Variants in HOXA5 observed in about 807,000 individuals in gnomAD.
HOXA5 encodes homeobox A5.
HOXA5 carries 12 observed loss-of-function variants against 20.0 expected under a neutral mutation model. The ratio of observed to expected loss-of-function variants is 0.60; its 90% CI spans 0.38 to 0.97. The LOEUF is 0.97. Among genes scored for constraint, HOXA5 ranks in the 50% least tolerant of loss-of-function variants. The pLI is 0.00. For missense variants in HOXA5, 352 were observed against 380.3 expected, an observed-to-expected ratio of 0.93 and a Z score of 0.62; for synonymous variants, 159 against 157.7, an observed-to-expected ratio of 1.01 and a Z score of -0.06.
In HOXA5 at chr7:27,141,966, T is replaced by C; in HGVS notation, c.682A>G (p.Ile228Val). Reference protein sequence around the residue: ...RYLTRRRRIEIAHALCLSERQ... With the variant: ...RYLTRRRRIEVAHALCLSERQ... The stretch of plus-strand genomic sequence containing the variant: ...TCGGAGAGGCAAAGAGCATGTGCTA[T>C]TTCAATCCTCCTTCTGCGGGTCAGG... Residue 228 changes from isoleucine to valine, a missense_variant, in exon 2 of 2, where the codon ATA becomes GTA. Coordinates refer to ENST00000222726, the MANE Select transcript of HOXA5 (RefSeq NM_019102.4). 1.2e-6 allele frequency: 2 copies of C among 1,614,268 alleles called. No homozygotes were observed. Among genetic ancestry groups the C allele is most frequent in the Non-Finnish European group, 1.7e-6 (2 of 1,180,050 alleles).
In HOXA5 at chr7:27,143,037, T is replaced by C. The variant is rs1388433105; in HGVS notation, c.562+9A>G. 3 of 1,500,996 alleles carry C rather than the reference T, an allele frequency of 2.0e-6. No homozygotes were observed. Among genetic ancestry groups the C allele is most frequent in the East Asian group, 4.9e-5 (2 of 40,982 alleles). 93.0% of individuals were successfully genotyped at this position (1,500,996 alleles called of 1,614,324 possible). A position where few individuals can be genotyped will look rare whatever the true frequency, so the allele number is the denominator to read the frequency against. ...CGGTCGCGTGGATTTAGAAAAAGGC[T>C]GGCTTTACCATGACTTATGTGCAGC... On this transcript the variant is annotated intron_variant, in intron 1 of 1. Transcript: ENST00000222726.
chr7:27,142,205 A>G (rs937184990), intron 1 of HOXA5, 120 bp from the exon 2 acceptor site: 1 of 1,039,298 alleles, frequency 9.6e-7, no homozygotes, highest in African/African-American at 1.6e-5. Flanking sequence ...TCTGCCTACC[A>G]GCCCGCACAC....
rs1376090312 is a variant in HOXA5, at chr7:27,143,241, T to C, written c.367A>G (p.Ser123Gly). Residue 123 changes from serine to glycine, a missense_variant, in exon 1 of 2, where the codon AGC becomes GGC. This residue lies in a region of HOXA5 where 319 missense variants were observed against 336.5 expected (regional missense o/e 0.95). Coordinates refer to ENST00000222726, the MANE Select transcript of HOXA5 (RefSeq NM_019102.4). ...TCGGCCGAGGCGCCGCTGGAGTTGC[T>C]TAGGGAGTTTTTCCCGCCGTGGTGG... Reference protein sequence around the residue: ...DSHHGGKNSLSNSSGASADAG... With the variant: ...DSHHGGKNSLGNSSGASADAG... 6.2e-7 allele frequency: 1 copy of C among 1,609,504 alleles called. No homozygotes were observed. The highest frequency in any genetic ancestry group is 1.1e-5 in the South Asian group (1 of 90,894).
rs1483240707 is a variant in HOXA5, at chr7:27,143,457, C to T, written c.151G>A (p.Gly51Ser). The T allele has an allele frequency of 1.9e-6, 3 of 1,613,722 alleles. No homozygotes were observed. The African/African-American group carries it at 4.0e-5, about 22-fold the overall frequency. ...HSGRYGYGYN[G>S]MDLSVGRSGS... Reference sequence around the variant, plus strand: ...GAGCGGCCGACGCTGAGATCCATGCCATTGTAGCCGTAGCCGTACCTGCCG... The same window carrying T: ...GAGCGGCCGACGCTGAGATCCATGCTATTGTAGCCGTAGCCGTACCTGCCG... Residue 51 changes from glycine (G) to serine (S), a missense_variant, in exon 1 of 2, where the codon GGC becomes AGC. Gly to Ser is a moderately conservative substitution (Grantham distance 56). Around this residue, in one of 3 missense-constraint regions of HOXA5, gnomAD observed 319 missense variants for 336.5 expected, o/e 0.95. Coordinates refer to ENST00000222726, the MANE Select transcript of HOXA5 (RefSeq NM_019102.4).
chr7:27,142,253 A>G (rs928845894), intron 1 of HOXA5, among the ~76,000 whole-genome samples, 168 bp from the exon 2 acceptor site: 12 of 152,350 alleles, frequency 7.9e-5, no homozygotes, highest in African/African-American at 2.9e-4. Flanking sequence ...TTCTAGAAAG[A>G]AAACAATACG....
At position 27,143,491 on chromosome 7, in the gene HOXA5, G is replaced by C; in HGVS notation, c.117C>G (p.Ser39Arg). The C allele has an allele frequency of 1.2e-6, 2 of 1,613,906 alleles. No individual in the cohort carries two copies. Among genetic ancestry groups the C allele is most frequent in the Non-Finnish European group, 1.7e-6 (2 of 1,179,956 alleles). ...CGTAGCCGTACCTGCCGGAGTGCAT[G>C]CTCGCCGAGTCCCTGAATTGCTCGC... ...SVSEQFRDSA[S>R]MHSGRYGYGY... Residue 39 changes from serine (S) to arginine (R), a missense_variant, in exon 1 of 2, where the codon AGC (serine) becomes AGG (arginine). Physicochemically the swap from Ser to Arg is moderately radical, Grantham distance 110. Transcript: ENST00000222726.
At chr7:27,142,824 C>T (rs1337491879) in intron 1 of HOXA5, 3 of 499,294 alleles carry the variant, frequency 6.0e-6, no homozygotes, top group South Asian at 7.4e-5. Context: ...AACGTCTAAA[C>T]TGTCCCAGAG....
chr7:27,142,074 C>A lies in HOXA5; in HGVS notation c.574G>T (p.Gly192Cys), dbSNP rs1484291327. The A allele has an allele frequency of 1.2e-6, 2 of 1,613,530 alleles. No homozygotes were observed. The highest frequency in any genetic ancestry group is 4.5e-5 in the East Asian group (2 of 44,884). The change falls in exon 2 of 2, where the codon GGC (glycine) becomes TGC (cysteine). Residue 192 changes from glycine to cysteine, a missense_variant. This residue lies in a region of HOXA5 where 319 missense variants were observed against 336.5 expected (regional missense o/e 0.95). Coordinates refer to ENST00000222726, the MANE Select transcript of HOXA5 (RefSeq NM_019102.4). ...KLHISHDNIG[G>C]PEGKRARTAY... ...GTCCGGGCCCTTTTGCCTTCCGGGC[C>A]GCCTATGTTGTCTGCAATAGAAAAG...
In HOXA5 at chr7:27,141,454, T is replaced by C; in HGVS notation, c.*381A>G. On this transcript the variant is annotated 3_prime_UTR_variant, in exon 2 of 2. Transcript: ENST00000222726. ...TGAGACAGGAACACTTCCACGCACATGCACAGTTAAACAACTTGAGTGCAA... is the reference window on the plus strand; with the variant it reads ...TGAGACAGGAACACTTCCACGCACACGCACAGTTAAACAACTTGAGTGCAA... 1 of 200,170 alleles carries C rather than the reference T, an allele frequency of 5.0e-6. No homozygotes were observed. Among genetic ancestry groups the C allele is most frequent in the South Asian group, 9.3e-5 (1 of 10,800 alleles). The allele number at this position is 200,170 out of a possible 1,614,324, so 12.4% of individuals were successfully genotyped here. A position where few individuals can be genotyped will look rare whatever the true frequency, so the allele number is the denominator to read the frequency against.
chr7:27,143,116 G>C lies in HOXA5; in HGVS notation c.492C>G (p.Ser164Arg), dbSNP rs965111568. Reference sequence around the variant, plus strand: ...GGGCGGGCGGCGCCGGGCTCGGCTCGCTCTGCGCACTCGCCTGCTCGCTGC... The same window carrying C: ...GGGCGGGCGGCGCCGGGCTCGGCTCCCTCTGCGCACTCGCCTGCTCGCTGC... ...PASSEQASAQ[S>R]EPSPAPPAQP... The change falls in exon 1 of 2, where the codon AGC (serine) becomes AGG (arginine). Residue 164 changes from serine (S) to arginine (R), a missense_variant. Coordinates refer to ENST00000222726, the MANE Select transcript of HOXA5 (RefSeq NM_019102.4). 1.3e-6 allele frequency: 2 copies of C among 1,596,650 alleles called. No individual in the cohort carries two copies. The highest frequency in any genetic ancestry group is 1.4e-5 in the African/African-American group (1 of 73,124).
chr7:27,141,714 T>G lies in HOXA5; in HGVS notation c.*121A>C, dbSNP rs1173374353. ...ACAGGCTCATGATTAAAAGATGAAT[T>G]AGGGCAACGAGAACAGGGCTTCTTC... is the stretch of plus-strand genomic sequence containing the variant. On this transcript the variant is annotated 3_prime_UTR_variant, in exon 2 of 2. Transcript: ENST00000222726. 4.0e-6 allele frequency: 5 copies of G among 1,256,602 alleles called. No individual in the cohort carries two copies. The highest frequency in any genetic ancestry group is 4.4e-6 in the Non-Finnish European group (4 of 901,210). 77.8% of individuals were successfully genotyped at this position (1,256,602 alleles called of 1,614,324 possible).
chr7:27,141,526 GT>G lies in HOXA5; in HGVS notation c.*308del, dbSNP rs5883063. On this transcript the variant is annotated 3_prime_UTR_variant, in exon 2 of 2. Coordinates refer to ENST00000222726, the MANE Select transcript of HOXA5 (RefSeq NM_019102.4). ...GAGATTGAAGGGGGACTTTTTGTGTGTTTTTTTTTCTCTTTTCTTTTTTTGT... is the reference window on the plus strand; with the variant it reads ...GAGATTGAAGGGGGACTTTTTGTGTGTTTTTTTTCTCTTTTCTTTTTTTGT... 5.5e-5 allele frequency: 12 copies of G among 216,410 alleles called. No individual in the cohort carries two copies. Among genetic ancestry groups the G allele is most frequent in the African/African-American group, 1.6e-4 (7 of 43,378 alleles). The allele number at this position is 216,410 out of a possible 1,614,324, so 13.4% of individuals were successfully genotyped here.
In HOXA5 at chr7:27,143,110, C is replaced by T. The variant is rs370767951; in HGVS notation, c.498G>A (p.Pro166=). 1.3e-6 allele frequency: 2 copies of T among 1,579,074 alleles called. No homozygotes were observed. The highest frequency in any genetic ancestry group is 2.4e-5 in the South Asian group (2 of 84,892). ...SSEQASAQSE[P]SPAPPAQPQI... ...GGGGTTGGGCGGGCGGCGCCGGGCT[C>T]GGCTCGCTCTGCGCACTCGCCTGCT... The change falls in exon 1 of 2, where the codon CCG becomes CCA. Residue 166 remains proline, a synonymous_variant. Transcript: ENST00000222726.
Position 27,141,790 on chromosome 7 carries a change from C to T in HOXA5, c.*45G>A, listed in dbSNP as rs555485879. Reference sequence around the variant, plus strand: ...GAAAGTCACCTTAGTACTGACACTACGCGGGATCCGCTAATACTGCTCAGT... The same window carrying T: ...GAAAGTCACCTTAGTACTGACACTATGCGGGATCCGCTAATACTGCTCAGT... On this transcript the variant is annotated 3_prime_UTR_variant, in exon 2 of 2. Transcript: ENST00000222726. 5 of 1,597,086 alleles carry T rather than the reference C, an allele frequency of 3.1e-6. No individual in the cohort carries two copies. Among genetic ancestry groups the T allele is most frequent in the East Asian group, 2.2e-5 (1 of 44,764 alleles).
intron 1 of HOXA5, chr7:27,142,771 AG>A (rs1346845839): frequency 1.9e-5 from 8 of 414,780 alleles, no homozygotes; most frequent in African/African-American, 1.7e-4. Context: ...GCGCGTCCCA[AG>A]GCGTGGGGTT....
Position 27,143,383 on chromosome 7 carries a change from G to A in HOXA5, c.225C>T (p.Ala75=), listed in dbSNP as rs1047218. 1.3e-6 allele frequency: 2 copies of A among 1,598,350 alleles called. No homozygotes were observed. The highest frequency in any genetic ancestry group is 1.7e-6 in the Non-Finnish European group (2 of 1,175,374). Residue 75 remains alanine, a synonymous_variant, in exon 1 of 2, where the codon GCC becomes GCT. Coordinates refer to ENST00000222726, the MANE Select transcript of HOXA5 (RefSeq NM_019102.4). ...GCTCGGCGGGCGCCGCGCTGGCGCT[G>A]GCAGCGTAGCTGCGGGCGCGCTCTC... ...GSGERARSYA[A]SASAAPAEPR...
Position 27,143,432 on chromosome 7 carries a change from G to A in HOXA5, c.176C>T (p.Ser59Leu), listed in dbSNP as rs1420599325. Residue 59 changes from serine to leucine, a missense_variant, in exon 1 of 2, where the codon TCG becomes TTG. By Grantham distance (145) the Ser-to-Leu change is moderately radical. Around this residue, in one of 3 missense-constraint regions of HOXA5, gnomAD observed 319 missense variants for 336.5 expected, o/e 0.95. Transcript: ENST00000222726. ...TCCGGAGCCAAAGTGGCCGGAGCCC[G>A]AGCGGCCGACGCTGAGATCCATGCC... is the stretch of plus-strand genomic sequence containing the variant. Reference protein sequence around the residue: ...YNGMDLSVGRSGSGHFGSGER... With the variant: ...YNGMDLSVGRLGSGHFGSGER... 1 of 1,612,986 alleles carries A rather than the reference G, an allele frequency of 6.2e-7. No homozygotes were observed. The highest frequency in any genetic ancestry group is 1.7e-5 in the Admixed American group (1 of 59,992).
intron 1 of HOXA5, among the ~76,000 whole-genome samples, chr7:27,142,552 T>G (rs931090045): frequency 7.2e-5 from 11 of 152,066 alleles, no homozygotes; most frequent in African/African-American, 2.7e-4. Flanking sequence ...TCCCTTTCCT[T>G]CTCTCTCCCT....
At position 27,143,476 on chromosome 7, in the gene HOXA5, C is replaced by T; in HGVS notation, c.132G>A (p.Arg44=). The T allele has an allele frequency of 6.2e-7, 1 of 1,613,884 alleles. No homozygotes were observed. The highest frequency in any genetic ancestry group is 1.1e-5 in the South Asian group (1 of 91,026). The part of the protein sequence containing the change: ...FRDSASMHSG[R]YGYGYNGMDL... ...CCATGCCATTGTAGCCGTAGCCGTACCTGCCGGAGTGCATGCTCGCCGAGT... is the reference window on the plus strand; with the variant it reads ...CCATGCCATTGTAGCCGTAGCCGTATCTGCCGGAGTGCATGCTCGCCGAGT... The change falls in exon 1 of 2, where the codon AGG becomes AGA. Residue 44 remains arginine, a synonymous_variant. Transcript: ENST00000222726.
Sources: gnomAD v4.1 joint callset for allele counts (sites outside exome capture counted in the v4.1 genomes callset) on GRCh38, gnomAD v4.1.1 for gene constraint, gnomAD v4.1.1 regional missense constraint, MANE v1.5 for transcripts, NCBI Gene and HGNC (gene_info 2026-07-23, HGNC 2026-07-21) for gene names.